Variants in ZNF583 observed in about 807,000 individuals in gnomAD.
ZNF583 encodes zinc finger protein 583, also known as zinc finger protein L3-5.
A neutral mutation model predicts 55.3 loss-of-function variants in ZNF583; 30 were observed. The ratio of observed to expected loss-of-function variants is 0.54; its 90% CI spans 0.41 to 0.74. The LOEUF is 0.74. Ranked by LOEUF, ZNF583 falls within the 30% of genes least tolerant of loss-of-function variation. The pLI, the probability that ZNF583 is intolerant of heterozygous loss-of-function variation, is 0.00. For missense variants in ZNF583, 504 were observed against 664.7 expected, an observed-to-expected ratio of 0.76 and a Z score of 2.66; for synonymous variants, 208 against 220.0, an observed-to-expected ratio of 0.95 and a Z score of 0.48.
Position 56,427,218 on chromosome 19 carries a change from C to T in ZNF583, c.*2850C>T, listed in dbSNP as rs2042498102. 1.3e-5 allele frequency: 2 copies of T among 152,022 alleles called. No individual in the cohort carries two copies. The highest frequency in any genetic ancestry group is 1.3e-4 in the Admixed American group (2 of 15,254). 9.4% of individuals were successfully genotyped at this position (152,022 alleles called of 1,614,324 possible). ...TGTCAGTAGCCCTTGCCAAAAGCCTCCTCACTCTCCCCTCTCTTGTATAAG... is the reference window on the plus strand; with the variant it reads ...TGTCAGTAGCCCTTGCCAAAAGCCTTCTCACTCTCCCCTCTCTTGTATAAG... On this transcript the variant is annotated 3_prime_UTR_variant, in exon 5 of 5. Coordinates refer to ENST00000333201, the MANE Select transcript of ZNF583 (RefSeq NM_152478.3).
At chr19:56,414,586 A>G in intron 4 of ZNF583, 146 bp downstream of exon 4, 2 of 646,690 alleles carry the variant, frequency 3.1e-6, no homozygotes, top group South Asian at 3.9e-5. Flanking sequence ...CATCTTTAGT[A>G]TGAGCTCCTC....
At chr19:56,406,347 T>C (rs2042147597) in intron 1 of ZNF583, among the ~76,000 whole-genome samples, 3 of 152,166 alleles carry the variant, frequency 2.0e-5, no homozygotes, top group Admixed American at 6.5e-5. Context: ...AATTAAAAGT[T>C]AGAACTGGTT....
intron 4 of ZNF583, among the ~76,000 whole-genome samples, chr19:56,417,347 T>C (rs2042342919): frequency 6.6e-6 from 1 of 152,214 alleles, no homozygotes; most frequent in Non-Finnish European, 1.5e-5. Context: ...CAAATCTTGG[T>C]ATCGTCAGTA....
rs2042487491 is a variant in ZNF583 at position 56,425,628 on chromosome 19, G to C, written c.*1260G>C. On this transcript the variant is annotated 3_prime_UTR_variant, in exon 5 of 5. Coordinates refer to ENST00000333201, the MANE Select transcript of ZNF583 (RefSeq NM_152478.3). ...ACAAGTCAGTAACCAATGATGAGTA[G>C]AAAATAAAGTATAAGTTTGAACCCC... 1 of 152,164 alleles carries C rather than the reference G, an allele frequency of 6.6e-6. No individual in the cohort carries two copies. Among genetic ancestry groups the C allele is most frequent in the Admixed American group, 6.5e-5 (1 of 15,280 alleles). The allele number at this position is 152,164 out of a possible 1,614,324, so 9.4% of individuals were successfully genotyped here.
intron 4 of ZNF583, among the ~76,000 whole-genome samples, chr19:56,419,009 T>G (rs570780196): frequency 6.6e-6 from 1 of 152,308 alleles, no homozygotes; most frequent in East Asian, 1.9e-4. Flanking sequence ...GTGATTTTTT[T>G]TCTCTTTAAC....
intron 4 of ZNF583, among the ~76,000 whole-genome samples, chr19:56,417,315 TC>T (rs2042342426): frequency 6.6e-6 from 1 of 152,188 alleles, no homozygotes; most frequent in South Asian, 2.1e-4. Flanking sequence ...GTATGAGACT[TC>T]CAGTTAATCC....
In ZNF583 at chr19:56,404,936, A is replaced by T. The variant is rs1252612782; in HGVS notation, c.-90+484A>T. Among the ~76,000 whole-genome samples the T allele has an allele frequency of 2.0e-5, 3 of 151,660 alleles. No homozygotes were observed. The highest frequency in any genetic ancestry group is 4.4e-5 in the Non-Finnish European group (3 of 67,904). On this transcript the variant is annotated intron_variant, in intron 1 of 4. Coordinates refer to ENST00000333201, the MANE Select transcript of ZNF583 (RefSeq NM_152478.3). The surrounding 1 kb of genome is among the most constrained non-coding windows in gnomAD (Gnocchi z 5.2). Reference sequence around the variant, plus strand: ...GTAAGACCATGTCACTGTGTGTGTGACCTGTGTGTGTGGGATAATGTAAGA... The same window carrying T: ...GTAAGACCATGTCACTGTGTGTGTGTCCTGTGTGTGTGGGATAATGTAAGA...
intron 2 of ZNF583, among the ~76,000 whole-genome samples, chr19:56,412,418 G>A (rs1347274911): frequency 6.6e-6 from 1 of 152,096 alleles, no homozygotes; most frequent in Non-Finnish European, 1.5e-5. Context: ...TTCAACATTC[G>A]GTAGTATTAT....
intron 4 of ZNF583, chr19:56,414,861 C>CAAAAAAAAAAAAAAAAAAAAA (rs35096926): frequency 1.6e-5 from 1 of 64,276 alleles, no homozygotes. Context: ...ACTAAAAATA[C>CAAAAAAAAAAAAAAAAAAAAA]AAAAAAAAAA....
rs2042487373 is a variant in ZNF583, at chr19:56,425,603, AC to A, written c.*1236del. On this transcript the variant is annotated 3_prime_UTR_variant, in exon 5 of 5. Transcript: ENST00000333201. ...ATCGAAATTAAAAAGAAATCTTGAA[AC>A]AAGTCAGTAACCAATGATGAGTAGA... 6.6e-6 allele frequency: 1 copy of A among 152,240 alleles called. No homozygotes were observed. The highest frequency in any genetic ancestry group is 1.5e-5 in the Non-Finnish European group (1 of 68,048). 9.4% of individuals were successfully genotyped at this position (152,240 alleles called of 1,614,324 possible). A position where few individuals can be genotyped will look rare whatever the true frequency, so the allele number is the denominator to read the frequency against.
chr19:56,419,404 C>T (rs896627099), intron 4 of ZNF583, among the ~76,000 whole-genome samples: 4 of 152,046 alleles, frequency 2.6e-5, no homozygotes, highest in African/African-American at 9.7e-5. Flanking sequence ...ATGATGTTGG[C>T]CAGGATGGTC....
At chr19:56,406,768 T>C (rs551601922) in intron 1 of ZNF583, among the ~76,000 whole-genome samples, 13 of 152,116 alleles carry the variant, frequency 8.5e-5, no homozygotes, top group East Asian at 3.9e-4. Flanking sequence ...ACTTCGTGAT[T>C]CGCCAGCCTC....
rs1268014421 is a variant in ZNF583 at position 56,423,400 on chromosome 19, A to G, written c.742A>G (p.Thr248Ala). The change falls in exon 5 of 5, where the codon ACG (threonine) becomes GCG (alanine). Residue 248 changes from threonine to alanine, a missense_variant. Physicochemically the swap from Thr to Ala is moderately conservative, Grantham distance 58. This residue lies in a region of ZNF583 where 237 missense variants were observed against 373.0 expected (regional missense o/e 0.64). Transcript: ENST00000333201. ...KPYACVECGK[T>A]FSQSANLAQH... ...CTATGCATGTGTTGAATGTGGGAAA[A>G]CGTTCAGCCAGAGTGCAAACTTGGC... 6.2e-7 allele frequency: 1 copy of G among 1,613,256 alleles called. No individual in the cohort carries two copies.
rs538766503 is a variant in ZNF583 at position 56,424,996 on chromosome 19, T to G, written c.*628T>G. The G allele has an allele frequency of 1.3e-5, 2 of 151,500 alleles. No individual in the cohort carries two copies. Among genetic ancestry groups the G allele is most frequent in the East Asian group, 3.9e-4 (2 of 5,164 alleles). 9.4% of individuals were successfully genotyped at this position (151,500 alleles called of 1,614,324 possible). A position where few individuals can be genotyped will look rare whatever the true frequency, so the allele number is the denominator to read the frequency against. Reference sequence around the variant, plus strand: ...CATAGAAAGCCAATCATCTCAGCCATGATTATCTCAGAAATAAAAAGAGAT... The same window carrying G: ...CATAGAAAGCCAATCATCTCAGCCAGGATTATCTCAGAAATAAAAAGAGAT... On this transcript the variant is annotated 3_prime_UTR_variant, in exon 5 of 5. Transcript: ENST00000333201.
chr19:56,410,573 G>A (rs527916922), intron 2 of ZNF583, among the ~76,000 whole-genome samples: 1 of 152,072 alleles, frequency 6.6e-6, no homozygotes, highest in African/African-American at 2.4e-5. Flanking sequence ...GTGGTGGTGG[G>A]CCCCTGTAAT....
At chr19:56,407,229 T>C (rs2288863) in intron 2 of ZNF583, 106 bp downstream of exon 2, 1,100,593 of 1,354,178 alleles carry the variant, frequency 0.81, 448,280 homozygotes, top group East Asian at 0.94. Flanking sequence ...AAGGTTCCAT[T>C]CATCCAGTGA....
At position 56,406,593 on chromosome 19, in the gene ZNF583, C is replaced by T. The variant is rs181907586; in HGVS notation, c.-89-433C>T. ...TGTGGCCCAGACTGGAGTGTGGTGG[C>T]GCGATCTTGGCTCACTGCAAGCTCC... On this transcript the variant is annotated intron_variant, in intron 1 of 4. Coordinates refer to ENST00000333201, the MANE Select transcript of ZNF583 (RefSeq NM_152478.3). Among the ~76,000 whole-genome samples the T allele has an allele frequency of 9.5e-3, 1,250 of 131,142 alleles. 7 individuals are homozygous for T. Among genetic ancestry groups the T allele is most frequent in the Middle Eastern group, 0.033 (6 of 180 alleles). 86.0% of individuals were successfully genotyped at this position (131,142 alleles called of 152,430 possible). A position where few individuals can be genotyped will look rare whatever the true frequency, so the allele number is the denominator to read the frequency against.
intron 1 of ZNF583, among the ~76,000 whole-genome samples, chr19:56,406,441 T>C (rs1466942852): frequency 6.6e-6 from 1 of 152,208 alleles, no homozygotes; most frequent in Non-Finnish European, 1.5e-5. Context: ...GGGGAAATCC[T>C]TGCTTGGTAA....
chr19:56,422,563 A>G (rs907412741), intron 4 of ZNF583, among the ~76,000 whole-genome samples: 2 of 152,168 alleles, frequency 1.3e-5, no homozygotes, highest in Non-Finnish European at 2.9e-5. Flanking sequence ...CTGGCTTATA[A>G]AAGATAACTT....
Sources: gnomAD v4.1 joint callset for allele counts (sites outside exome capture counted in the v4.1 genomes callset) on GRCh38, gnomAD v4.1.1 for gene constraint, gnomAD v4.1.1 regional missense constraint, Gnocchi (gnomAD v3.1) non-coding constraint, MANE v1.5 for transcripts, NCBI Gene and HGNC (gene_info 2026-07-23, HGNC 2026-07-21) for gene names.